Variants in C18orf63 observed in about 807,000 individuals in gnomAD.
C18orf63 encodes the protein chromosome 18 open reading frame 63, also known as uncharacterized protein C18orf63.
C18orf63 carries 50 observed loss-of-function variants against 75.3 expected under a neutral mutation model. The ratio of observed to expected loss-of-function variants is 0.66; its 90% CI spans 0.53 to 0.84. The LOEUF (loss-of-function observed/expected upper bound fraction) is 0.84, where lower values mean the gene tolerates loss of function less well. C18orf63 is among the 40% of genes least tolerant of loss of function. The probability of loss-of-function intolerance (pLI) is 0.00; values close to 1 mark genes in which losing one functional copy is unlikely to be tolerated. For synonymous variants in C18orf63, 232 were observed against 267.6 expected, an observed-to-expected ratio of 0.87 and a Z score of 1.30; for missense variants, 732 against 800.2, an observed-to-expected ratio of 0.91 and a Z score of 1.03.
intron 10 of C18orf63, among the ~76,000 whole-genome samples, chr18:74,342,938 C>CA (rs1036807318): frequency 6.6e-6 from 1 of 152,112 alleles, no homozygotes; most frequent in Non-Finnish European, 1.5e-5. Context: ...GGAAGAGCCT[C>CA]AGTGTTGTCT....
rs186239538 is a variant in C18orf63, at chr18:74,331,049, T to G, written c.501+107T>G. On this transcript the variant is annotated intron_variant, in intron 7 of 13. Coordinates refer to ENST00000579455, the MANE Select transcript of C18orf63 (RefSeq NM_001174123.2). Reference sequence around the variant, plus strand: ...TTTTAATTTTTAACATAAAGCGTGCTAGAAAGGTTTTTATTATCAAAATCT... The same window carrying G: ...TTTTAATTTTTAACATAAAGCGTGCGAGAAAGGTTTTTATTATCAAAATCT... 1.9e-5 allele frequency: 8 copies of G among 410,520 alleles called. No homozygotes were observed. The East Asian group carries it at 3.1e-4, about 16-fold the overall frequency. 25.4% of individuals were successfully genotyped at this position (410,520 alleles called of 1,614,324 possible).
chr18:74,337,574 C>T (rs1184753802), intron 7 of C18orf63, among the ~76,000 whole-genome samples: 1 of 152,114 alleles, frequency 6.6e-6, no homozygotes, highest in African/African-American at 2.4e-5. Flanking sequence ...TTCTGACATT[C>T]ATAACCATGC....
At chr18:74,328,964 AT>A in intron 5 of C18orf63, 30 bp from the exon 6 acceptor site, 11 of 1,256,874 alleles carry the variant, frequency 8.8e-6, no homozygotes, top group Non-Finnish European at 1.2e-5. Flanking sequence ...ATGAGTTGTA[AT>A]AACATGGCAT....
At chr18:74,332,994 A>C (rs1247322489) in intron 7 of C18orf63, among the ~76,000 whole-genome samples, 1 of 152,212 alleles carries the variant, frequency 6.6e-6, no homozygotes, top group East Asian at 1.9e-4. Flanking sequence ...AGAGATCAGA[A>C]TGTCACTTGT....
chr18:74,336,431 C>G (rs1984392360), intron 7 of C18orf63, among the ~76,000 whole-genome samples: 1 of 152,040 alleles, frequency 6.6e-6, no homozygotes, highest in Admixed American at 6.5e-5. Flanking sequence ...CTTTGAAACA[C>G]TTATAATATT....
At chr18:74,328,839 AT>A (rs1344556902) in intron 5 of C18orf63, among the ~76,000 whole-genome samples, 155 bp from the exon 6 acceptor site, 1 of 152,102 alleles carries the variant, frequency 6.6e-6, no homozygotes, top group African/African-American at 2.4e-5. Context: ...GAATGATTAT[AT>A]TTTTTCAGCT....
chr18:74,353,694 T>C lies in C18orf63; in HGVS notation c.1427T>C (p.Ile476Thr). The C allele has an allele frequency of 6.5e-7, 1 of 1,536,090 alleles. No homozygotes were observed. The highest frequency in any genetic ancestry group is 8.7e-7 in the Non-Finnish European group (1 of 1,146,862). ...SKLFSLKTSM[I>T]QHDKLNLGPA... is the part of the protein sequence containing the mutation. Reference sequence around the variant, plus strand: ...TTGTTTTCACTCAAAACTAGTATGATCCAGCATGACAAACTGAATTTAGGT... The same window carrying C: ...TTGTTTTCACTCAAAACTAGTATGACCCAGCATGACAAACTGAATTTAGGT... The change falls in exon 12 of 14, where the codon ATC (isoleucine) becomes ACC (threonine). Residue 476 changes from isoleucine (I) to threonine (T), a missense_variant. By Grantham distance (89) the Ile-to-Thr change is moderately conservative. Around this residue, in one of 3 missense-constraint regions of C18orf63, gnomAD observed 495 missense variants for 508.7 expected, o/e 0.97. Coordinates refer to ENST00000579455, the MANE Select transcript of C18orf63 (RefSeq NM_001174123.2).
chr18:74,356,092 A>G (rs1599011734), intron 13 of C18orf63, among the ~76,000 whole-genome samples: 1 of 152,220 alleles, frequency 6.6e-6, no homozygotes, highest in Non-Finnish European at 1.5e-5. Context: ...AAATAATTTC[A>G]TCAGGTAGAA....
intron 11 of C18orf63, among the ~76,000 whole-genome samples, chr18:74,352,978 A>G (rs1984693183): frequency 6.6e-6 from 1 of 152,110 alleles, no homozygotes; most frequent in African/African-American, 2.4e-5. Context: ...AGCTGTGTGA[A>G]TGGTTTTTAT....
At chr18:74,317,154 G>C (rs1292506683) in intron 1 of C18orf63, among the ~76,000 whole-genome samples, 1 of 152,216 alleles carries the variant, frequency 6.6e-6, no homozygotes, top group East Asian at 1.9e-4. Flanking sequence ...GAAAGTACTA[G>C]AGTCCAGCTT....
In C18orf63 at chr18:74,322,666, G is replaced by A. The variant is rs752222189; in HGVS notation, c.214-32G>A. 5 of 808,196 alleles carry A rather than the reference G, an allele frequency of 6.2e-6. No individual in the cohort carries two copies. In the South Asian group the frequency reaches 7.1e-5, roughly 11 times the overall value. 50.1% of individuals were successfully genotyped at this position (808,196 alleles called of 1,614,324 possible). The stretch of plus-strand genomic sequence containing the variant: ...ATTTAATTATATATATATATGTTAA[G>A]TCCTTTTTATAAATGTGGATTTTTG... On this transcript the variant is annotated intron_variant, in intron 3 of 13. Transcript: ENST00000579455.
At position 74,354,508 on chromosome 18, in the gene C18orf63, G is replaced by A. The variant is rs1346192111; in HGVS notation, c.2053G>A (p.Ala685Thr). ...TAAGAAATCTCTCATCATTCATAAT[G>A]CTTAGAACATGGACCTGAAAGAAGG... ...KLKKSLIIHNA is the reference protein window; with the variant it reads ...KLKKSLIIHNT The change falls in exon 13 of 14, where the codon GCT (alanine) becomes ACT (threonine). Residue 685 changes from alanine (A) to threonine (T), a missense_variant. Physicochemically the swap from Ala to Thr is moderately conservative, Grantham distance 58 (BLOSUM62 0). Coordinates refer to ENST00000579455, the MANE Select transcript of C18orf63 (RefSeq NM_001174123.2). 2 of 1,445,974 alleles carry A rather than the reference G, an allele frequency of 1.4e-6. No homozygotes were observed. The highest frequency in any genetic ancestry group is 1.2e-5 in the South Asian group (1 of 81,610). 89.6% of individuals were successfully genotyped at this position (1,445,974 alleles called of 1,614,324 possible).
intron 5 of C18orf63, among the ~76,000 whole-genome samples, chr18:74,328,456 A>G (rs1984245970): frequency 6.6e-6 from 1 of 152,216 alleles, no homozygotes; most frequent in South Asian, 2.1e-4. Flanking sequence ...AGATGGGGAC[A>G]CAGCCAAACC....
chr18:74,338,626 T>A (rs1433648261), intron 7 of C18orf63, 89 bp from the exon 8 acceptor site: 6 of 478,714 alleles, frequency 1.3e-5, no homozygotes, highest in African/African-American at 1.2e-4. Flanking sequence ...TATAACCTAC[T>A]GTGTGTGTGT....
intron 13 of C18orf63, among the ~76,000 whole-genome samples, chr18:74,355,240 C>A (rs1234554518): frequency 6.6e-6 from 1 of 152,066 alleles, no homozygotes; most frequent in Non-Finnish European, 1.5e-5. Flanking sequence ...AAATTTTCAG[C>A]CTGATTTTAA....
intron 2 of C18orf63, among the ~76,000 whole-genome samples, chr18:74,318,789 CAGA>C (rs1984070787): frequency 9.6e-5 from 9 of 93,602 alleles, no homozygotes; most frequent in African/African-American, 7.8e-5. Context: ...GACTCTGTCT[CAGA>C]AAAAAAAAAA....
intron 7 of C18orf63, among the ~76,000 whole-genome samples, chr18:74,333,263 T>G (rs1984339455): frequency 6.6e-6 from 1 of 152,144 alleles, no homozygotes; most frequent in Non-Finnish European, 1.5e-5. Context: ...CGTTCTGATA[T>G]GACAAACAGA....
intron 7 of C18orf63, among the ~76,000 whole-genome samples, chr18:74,333,358 A>G (rs1341407083): frequency 6.6e-6 from 1 of 152,172 alleles, no homozygotes; most frequent in Non-Finnish European, 1.5e-5. Context: ...ATTCATCCCA[A>G]TTTTACCATC....
chr18:74,344,735 G>A (rs556713977), intron 11 of C18orf63, among the ~76,000 whole-genome samples: 21 of 152,154 alleles, frequency 1.4e-4, no homozygotes, highest in South Asian at 8.3e-4. Context: ...ATTCATCCAC[G>A]TTGCTCCACT....
Sources: allele counts gnomAD v4.1 joint callset (sites outside exome capture counted in the v4.1 genomes callset), GRCh38; gene constraint gnomAD v4.1.1; regional missense constraint gnomAD v4.1.1; transcripts MANE v1.5; gene names NCBI Gene and HGNC (gene_info 2026-07-23, HGNC 2026-07-21).